Variants in UMODL1 observed in about 807,000 individuals in gnomAD.
UMODL1 encodes uromodulin like 1, also known as uromodulin-like 1.
UMODL1 carries 128 observed loss-of-function variants against 136.3 expected under a neutral mutation model. That is an observed-to-expected ratio of 0.94 (90% confidence interval 0.81 to 1.09). The LOEUF is 1.09. Among genes scored for constraint, UMODL1 ranks in the 50% least tolerant of loss-of-function variants. The probability of loss-of-function intolerance (pLI) is 0.00; values close to 1 mark genes in which losing one functional copy is unlikely to be tolerated. For synonymous variants in UMODL1, 721 were observed against 720.0 expected, an observed-to-expected ratio of 1.00 and a Z score of -0.02; for missense variants, 1,766 against 1,725.6, an observed-to-expected ratio of 1.02 and a Z score of -0.41.
chr21:42,078,806 C>T (rs1248165701), intron 2 of UMODL1, among the ~76,000 whole-genome samples: 1 of 152,234 alleles, frequency 6.6e-6, no homozygotes, highest in East Asian at 1.9e-4. Flanking sequence ...CCTAGAGGGC[C>T]ACTGGCAGGA....
At chr21:42,102,321 G>T in intron 8 of UMODL1, 43 bp downstream of exon 8, 1 of 1,417,148 alleles carries the variant, frequency 7.1e-7, no homozygotes, top group Non-Finnish European at 9.9e-7. Context: ...TGGGTGTTCT[G>T]AGTGAGGACA....
intron 14 of UMODL1, among the ~76,000 whole-genome samples, chr21:42,118,278 T>C (rs2381036): frequency 0.091 from 13,864 of 152,318 alleles, 853 homozygotes; most frequent in Middle Eastern, 0.15. Context: ...GTGGTCTCCC[T>C]GGGGTCCACA....
Position 42,099,302 on chromosome 21 carries a change from C to A in UMODL1, c.1186+122C>A. On this transcript the variant is annotated intron_variant, in intron 7 of 22. Transcript: ENST00000408910. This position sits in a 1 kb window ranked among gnomAD's most constrained non-coding sequence, Gnocchi z 4.1. Reference sequence around the variant, plus strand: ...AGGGCACCAGAAGTCACTGACCGCCCTGCACTTCCTCCCTCCCCTCCCAGT... The same window carrying A: ...AGGGCACCAGAAGTCACTGACCGCCATGCACTTCCTCCCTCCCCTCCCAGT... 1 of 1,373,448 alleles carries A rather than the reference C, an allele frequency of 7.3e-7. No homozygotes were observed. Among genetic ancestry groups the A allele is most frequent in the Non-Finnish European group, 9.7e-7 (1 of 1,031,952 alleles). The allele number at this position is 1,373,448 out of a possible 1,614,324, so 85.1% of individuals were successfully genotyped here.
chr21:42,088,553 C>T (rs889889653), intron 5 of UMODL1, 73 bp downstream of exon 5: 21 of 1,429,768 alleles, frequency 1.5e-5, no homozygotes, highest in South Asian at 5.5e-5. Flanking sequence ...GCAAGGTGGA[C>T]GCTAAAGCCA....
At chr21:42,080,716 G>A (rs904104978) in intron 2 of UMODL1, among the ~76,000 whole-genome samples, 1 of 152,190 alleles carries the variant, frequency 6.6e-6, no homozygotes, top group African/African-American at 2.4e-5. Context: ...TGCTGCTCAC[G>A]AATAACCACC....
chr21:42,095,618 G>T (rs55645900), intron 6 of UMODL1, among the ~76,000 whole-genome samples: 30,465 of 152,112 alleles, frequency 0.2, 3,356 homozygotes, highest in East Asian at 0.35. Flanking sequence ...TCCAAATAAG[G>T]TCACAGTCGT....
intron 9 of UMODL1, among the ~76,000 whole-genome samples, chr21:42,107,562 C>T (rs1205604791): frequency 3.3e-5 from 5 of 152,204 alleles, no homozygotes; most frequent in African/African-American, 7.2e-5. Context: ...CTTAGGTTCA[C>T]GGGTACCGCT....
In UMODL1 at chr21:42,126,710, C is replaced by A. The variant is rs751265745; in HGVS notation, c.3293+220C>A. On this transcript the variant is annotated intron_variant, in intron 18 of 22. Transcript: ENST00000408910. ...CGTGGCCAATCCCATGGGATGGCCC[C>A]ACTTCCAGTGAGCCACTGGCAGGCC... is the stretch of plus-strand genomic sequence containing the variant. Among the ~76,000 whole-genome samples, 171 of 152,334 alleles carry A rather than the reference C, an allele frequency of 1.1e-3. 1 individual carries two copies. Among genetic ancestry groups the A allele is most frequent in the Non-Finnish European group, 2.0e-3 (137 of 68,034 alleles).
chr21:42,102,009 A>G lies in UMODL1; in HGVS notation c.1187-157A>G, dbSNP rs576194637. ...GTGTTTGTTTATTCTCTCGTTTCTTACATTTATTTCCCCCAATTAGGATAC... is the reference window on the plus strand; with the variant it reads ...GTGTTTGTTTATTCTCTCGTTTCTTGCATTTATTTCCCCCAATTAGGATAC... On this transcript the variant is annotated intron_variant, in intron 7 of 22. Coordinates refer to ENST00000408910, the MANE Select transcript of UMODL1 (RefSeq NM_001004416.3). The G allele has an allele frequency of 1.5e-3, 853 of 574,570 alleles. 15 individuals are homozygous for G. The South Asian group carries it at 0.017, about 12-fold the overall frequency. 35.6% of individuals were successfully genotyped at this position (574,570 alleles called of 1,614,324 possible).
chr21:42,084,374 C>A (rs973920402), intron 3 of UMODL1, 129 bp downstream of exon 3: 2 of 1,016,322 alleles, frequency 2.0e-6, no homozygotes, highest in East Asian at 2.9e-5. Context: ...GAGCCCCCAC[C>A]GTGTGCACAG....
Position 42,102,178 on chromosome 21 carries a change from T to A in UMODL1, c.1199T>A (p.Phe400Tyr). Residue 400 changes from phenylalanine (F) to tyrosine (Y), a missense_variant, in exon 8 of 23, where the codon TTT becomes TAT. Physicochemically the swap from Phe to Tyr is conservative, Grantham distance 22. Transcript: ENST00000408910. ...TLTIKTNAQV[F>Y]EVTIKIVNHN... ...CTGTCTGTCTCAGATGCCCAGGTAT[T>A]TGAAGTCACAATAAAGATTGTAAAC... 1 of 1,612,444 alleles carries A rather than the reference T, an allele frequency of 6.2e-7. No homozygotes were observed. Among genetic ancestry groups the A allele is most frequent in the Non-Finnish European group, 8.5e-7 (1 of 1,178,854 alleles).
At chr21:42,073,045 C>T (rs1252772550) in intron 1 of UMODL1, among the ~76,000 whole-genome samples, 3 of 151,820 alleles carry the variant, frequency 2.0e-5, no homozygotes, top group Middle Eastern at 3.4e-3. Flanking sequence ...TGTGTGTGTG[C>T]GTGTGCGCAT....
Position 42,088,364 on chromosome 21 carries a change from CCA to C in UMODL1, c.677_678del (p.Thr226SerfsTer16). ...CACTCAGCCCCTGGGAACGCCTCCA[CCA>C]CAGTGTCGCGGCTGCTACTGGGCCT... On this transcript the variant is annotated frameshift_variant, in exon 5 of 23. Coordinates refer to ENST00000408910, the MANE Select transcript of UMODL1 (RefSeq NM_001004416.3). LOFTEE classifies it high-confidence loss of function. The C allele has an allele frequency of 2.5e-6, 4 of 1,614,008 alleles. No individual in the cohort carries two copies. Among genetic ancestry groups the C allele is most frequent in the Non-Finnish European group, 2.5e-6 (3 of 1,180,026 alleles).
At chr21:42,064,652 T>G (rs575360699) in intron 1 of UMODL1, among the ~76,000 whole-genome samples, 7 of 152,144 alleles carry the variant, frequency 4.6e-5, no homozygotes, top group African/African-American at 1.4e-4. Context: ...TGCCTCCAGG[T>G]TCAAGCGATT....
rs200975680 is a variant in UMODL1 at position 42,127,745 on chromosome 21, A to T, written c.3604A>T (p.Ile1202Phe). Residue 1202 changes from isoleucine to phenylalanine, a missense_variant, in exon 20 of 23, where the codon ATC (isoleucine) becomes TTC (phenylalanine). By Grantham distance (21) the Ile-to-Phe change is conservative (BLOSUM62 0). Coordinates refer to ENST00000408910, the MANE Select transcript of UMODL1 (RefSeq NM_001004416.3). ...NSNKAQFKLR[I>F]FSFINDSIVY... ...CAATAAGGCCCAGTTCAAGCTGAGG[A>T]TCTTTTCCTTTATCAACGACTCCAT... The T allele has an allele frequency of 1.5e-5, 25 of 1,614,088 alleles. 1 individual carries two copies. In the South Asian group the frequency reaches 2.6e-4, roughly 17 times the overall value.
intron 9 of UMODL1, among the ~76,000 whole-genome samples, chr21:42,109,005 C>G (rs2066772675): frequency 7.7e-6 from 1 of 130,346 alleles, no homozygotes; most frequent in Non-Finnish European, 1.6e-5. Flanking sequence ...GACCCCCACC[C>G]CCGGTGTGGA....
chr21:42,139,824 C>T (rs535855887), intron 22 of UMODL1, among the ~76,000 whole-genome samples: 7 of 152,228 alleles, frequency 4.6e-5, no homozygotes, highest in East Asian at 1.9e-4. Context: ...GTCCTGAGAC[C>T]CCAGAATACT....
chr21:42,119,403 T>A, intron 15 of UMODL1, 79 bp downstream of exon 15: 2 of 1,372,862 alleles, frequency 1.5e-6, no homozygotes, highest in Non-Finnish European at 2.0e-6. Context: ...CCTTCGCTTT[T>A]GAAAGATGTC....
At chr21:42,135,278 T>TTA (rs2067190692) in intron 21 of UMODL1, among the ~76,000 whole-genome samples, 1 of 152,216 alleles carries the variant, frequency 6.6e-6, no homozygotes, top group Non-Finnish European at 1.5e-5. Context: ...CATCCACAGT[T>TTA]TTCAGGGCTT....
Sources: gnomAD v4.1 joint callset for allele counts (sites outside exome capture counted in the v4.1 genomes callset) on GRCh38, gnomAD v4.1.1 for gene constraint, Gnocchi (gnomAD v3.1) non-coding constraint, MANE v1.5 for transcripts, NCBI Gene and HGNC (gene_info 2026-07-23, HGNC 2026-07-21) for gene names.